KIDINS220: variants seen among roughly 807,000 people sequenced by gnomAD.
The protein encoded by KIDINS220 is kinase D interacting substrate 220, also known as kinase D-interacting substrate of 220 kDa.
In KIDINS220, 63 loss-of-function variants were observed where a neutral mutation model predicts 157.6. The ratio of observed to expected loss-of-function variants is 0.40; its 90% CI spans 0.33 to 0.49. KIDINS220 has a LOEUF of 0.49. Ranked by LOEUF, KIDINS220 falls within the 20% of genes least tolerant of loss-of-function variation. The pLI is 0.66. For synonymous variants in KIDINS220, 732 were observed against 783.6 expected (o/e 0.93, Z 1.10); for missense variants, 1,772 against 2,171.2 (o/e 0.82, Z 3.65).
intron 21 of KIDINS220, among the ~76,000 whole-genome samples, chr2:8,771,491 C>T (rs531958559): frequency 8.5e-5 from 13 of 152,270 alleles, no homozygotes; most frequent in Admixed American, 1.3e-4. Context: ...ACTTTCAGAA[C>T]GGATGCCTTG....
intron 11 of KIDINS220, among the ~76,000 whole-genome samples, chr2:8,795,948 A>G (rs1673849619): frequency 6.6e-6 from 1 of 152,174 alleles, no homozygotes; most frequent in South Asian, 2.1e-4. Flanking sequence ...TTAATATTAA[A>G]GTTTCCTTTC....
rs1211246377 is a variant in KIDINS220 at position 8,787,019 on chromosome 2, C to G, written c.1788-662G>C. ...CCATCTCTAAATTAAACTCTCATCT[C>G]AGTCCAGTAGATAAGCATTGCTCTC... On this transcript the variant is annotated intron_variant, in intron 15 of 29. Transcript: ENST00000256707. Among the ~76,000 whole-genome samples the G allele has an allele frequency of 2.0e-5, 3 of 151,950 alleles. No individual in the cohort carries two copies. In the South Asian group the frequency reaches 6.2e-4, roughly 31 times the overall value.
At chr2:8,778,536 T>C (rs1671275182) in intron 20 of KIDINS220, 103 bp downstream of exon 20, 1 of 841,894 alleles carries the variant, frequency 1.2e-6, no homozygotes, top group East Asian at 2.4e-5. Context: ...ATTTGAAGCG[T>C]TTAATGCAAT....
At chr2:8,757,168 T>C (rs1011175983) in intron 22 of KIDINS220, 30 of 691,064 alleles carry the variant, frequency 4.3e-5, no homozygotes, top group Non-Finnish European at 5.2e-5. Context: ...ACAAACAAGA[T>C]GCAACCATTA....
chr2:8,823,975 CA>C lies in KIDINS220; in HGVS notation c.108+3010del, dbSNP rs145079836. On this transcript the variant is annotated intron_variant, in intron 2 of 29. Transcript: ENST00000256707. ...TTAAATAAATTTTATTCTGAAGACTCAAAAAAAAAACATAGAGCTTACACAG... is the reference window on the plus strand; with the variant it reads ...TTAAATAAATTTTATTCTGAAGACTCAAAAAAAAACATAGAGCTTACACAG... 2.7e-3 allele frequency among the ~76,000 whole-genome samples: 391 copies of C among 143,784 alleles called. 2 individuals carry two copies. Among genetic ancestry groups the C allele is most frequent in the African/African-American group, 7.6e-3 (297 of 39,218 alleles). The allele number at this position is 143,784 out of a possible 152,430, so 94.3% of individuals were successfully genotyped here. A position where few individuals can be genotyped will look rare whatever the true frequency, so the allele number is the denominator to read the frequency against.
intron 22 of KIDINS220, among the ~76,000 whole-genome samples, chr2:8,760,674 T>TA (rs1380982306): frequency 6.6e-6 from 1 of 152,250 alleles, no homozygotes; most frequent in Non-Finnish European, 1.5e-5. Flanking sequence ...TTTAGGATTG[T>TA]AACAGTTGTC....
chr2:8,788,136 G>A (rs1672672654), intron 15 of KIDINS220, among the ~76,000 whole-genome samples: 1 of 152,186 alleles, frequency 6.6e-6, no homozygotes, highest in Non-Finnish European at 1.5e-5. Context: ...AGGTGCCTCT[G>A]ATCCTTTAAC....
Position 8,729,046 on chromosome 2 carries a change from G to A in KIDINS220, c.*1674C>T. On this transcript the variant is annotated 3_prime_UTR_variant, in exon 30 of 30. Transcript: ENST00000256707. Reference sequence around the variant, plus strand: ...GATATTACGCGGCAACTACTCACCTGAAAAAGAAAACATTGTCTCTGAAAT... The same window carrying A: ...GATATTACGCGGCAACTACTCACCTAAAAAAGAAAACATTGTCTCTGAAAT... 1 of 982,758 alleles carries A rather than the reference G, an allele frequency of 1.0e-6. No individual in the cohort carries two copies. Among genetic ancestry groups the A allele is most frequent in the Non-Finnish European group, 1.2e-6 (1 of 827,190 alleles). 60.9% of individuals were successfully genotyped at this position (982,758 alleles called of 1,614,324 possible). A position where few individuals can be genotyped will look rare whatever the true frequency, so the allele number is the denominator to read the frequency against.
intron 29 of KIDINS220, among the ~76,000 whole-genome samples, chr2:8,733,179 C>T (rs930800963): frequency 6.6e-6 from 1 of 152,180 alleles, no homozygotes; most frequent in Non-Finnish European, 1.5e-5. Context: ...GGCCTAATCC[C>T]TATTGACTCT....
chr2:8,726,454 TAACTC>T (rs1409394248), downstream of KIDINS220, among the ~76,000 whole-genome samples: 3 of 152,280 alleles, frequency 2.0e-5, no homozygotes, highest in Non-Finnish European at 4.4e-5. Flanking sequence ...GTTTCTTACT[TAACTC>T]CGTTTGTTAA....
chr2:8,811,850 G>T (rs1323056423), intron 6 of KIDINS220, among the ~76,000 whole-genome samples: 2 of 152,146 alleles, frequency 1.3e-5, no homozygotes, highest in Non-Finnish European at 2.9e-5. Flanking sequence ...CCTCAGAGAT[G>T]ATGTGAAGCT....
At chr2:8,746,618 A>AT (rs1666620674) in intron 26 of KIDINS220, 1 of 152,170 alleles carries the variant, frequency 6.6e-6, no homozygotes, top group Admixed American at 6.5e-5. Context: ...GAAAAGTATT[A>AT]TAACACTGCA....
chr2:8,802,270 A>T (rs576178392), intron 8 of KIDINS220, among the ~76,000 whole-genome samples: 43 of 152,368 alleles, frequency 2.8e-4, no homozygotes, highest in African/African-American at 1.0e-3. Context: ...TGTTTTAAAG[A>T]TCACTCCAAG....
rs192537847 is a variant in KIDINS220, at chr2:8,746,160, C to T, written c.3585+985G>A. ...TCTTGTTGCCGAGGCTGGAGTGCAGCGGTGCGATCTCGGCTCACTGCAACC... is the reference window on the plus strand; with the variant it reads ...TCTTGTTGCCGAGGCTGGAGTGCAGTGGTGCGATCTCGGCTCACTGCAACC... On this transcript the variant is annotated intron_variant, in intron 26 of 29. Transcript: ENST00000256707. Among the ~76,000 whole-genome samples, 992 of 150,402 alleles carry T rather than the reference C, an allele frequency of 6.6e-3. 2 individuals carry two copies. Among genetic ancestry groups the T allele is most frequent in the Non-Finnish European group, 0.01 (694 of 67,764 alleles).
In KIDINS220 at chr2:8,793,960, T is replaced by C. The variant is rs371057322; in HGVS notation, c.1126A>G (p.Ile376Val). Residue 376 changes from isoleucine (I) to valine (V), a missense_variant, in exon 12 of 30, where the codon ATT becomes GTT. Physicochemically the swap from Ile to Val is conservative, Grantham distance 29. Transcript: ENST00000256707. ...GCCAGTTTCCGGCTCCTTCCACGAA[T>C]AGCAATATGCAAGGGAGTATCTCCT... The part of the protein sequence containing the change: ...KKGDTPLHIA[I>V]RGRSRKLAEL... The C allele has an allele frequency of 5.0e-6, 8 of 1,612,966 alleles. No homozygotes were observed. Among genetic ancestry groups the C allele is most frequent in the Non-Finnish European group, 5.9e-6 (7 of 1,179,738 alleles).
chr2:8,795,958 C>A (rs1673851790), intron 11 of KIDINS220, among the ~76,000 whole-genome samples: 1 of 152,084 alleles, frequency 6.6e-6, no homozygotes, highest in Non-Finnish European at 1.5e-5. Flanking sequence ...AGTTTCCTTT[C>A]TTTGATATGA....
At chr2:8,792,837 C>T (rs1008698409) in intron 12 of KIDINS220, among the ~76,000 whole-genome samples, 1 of 152,030 alleles carries the variant, frequency 6.6e-6, no homozygotes, top group African/African-American at 2.4e-5. Flanking sequence ...AAAAAAAATC[C>T]TAAAAATAAG....
intron 14 of KIDINS220, among the ~76,000 whole-genome samples, chr2:8,789,283 A>ATTTTTT (rs70946384): frequency 3.7e-5 from 4 of 109,072 alleles, no homozygotes; most frequent in African/African-American, 8.1e-5. Flanking sequence ...CAGAAAAAGA[A>ATTTTTT]TTTTTTTTTT....
intron 21 of KIDINS220, among the ~76,000 whole-genome samples, chr2:8,775,637 T>C (rs1670863899): frequency 6.6e-6 from 1 of 152,118 alleles, no homozygotes; most frequent in South Asian, 2.1e-4. Flanking sequence ...CAAGAGATTA[T>C]TGGAATAAGT....
Sources: allele counts gnomAD v4.1 joint callset (sites outside exome capture counted in the v4.1 genomes callset), GRCh38; gene constraint gnomAD v4.1.1; transcripts MANE v1.5; gene names NCBI Gene and HGNC (gene_info 2026-07-23, HGNC 2026-07-21).